TRIM37: variants seen among roughly 807,000 people sequenced by gnomAD.
The protein encoded by TRIM37 is E3 ubiquitin-protein ligase TRIM37.
Under a neutral mutation model 129.8 loss-of-function variants are expected in TRIM37, and 80 were observed. That is an observed-to-expected ratio of 0.62 (90% CI 0.51 to 0.74). The LOEUF (loss-of-function observed/expected upper bound fraction) is 0.74. TRIM37 is among the 30% of genes least tolerant of loss of function. The pLI, the probability that TRIM37 is intolerant of heterozygous loss-of-function variation, is 0.00. For synonymous variants in TRIM37, 389 were observed against 387.1 expected (o/e 1.00, Z -0.06); for missense variants, 1,054 against 1,176.5 (o/e 0.90, Z 1.52).
At chr17:58,996,071 T>G (rs1264540486), downstream of TRIM37, among the ~76,000 whole-genome samples, 1 of 152,102 alleles carries the variant, frequency 6.6e-6, no homozygotes, top group Non-Finnish European at 1.5e-5. Flanking sequence ...CTGCCCCAAA[T>G]ATTTAGTAAT....
chr17:59,005,338 C>T (rs1195774259), intron 22 of TRIM37, among the ~76,000 whole-genome samples: 2 of 151,994 alleles, frequency 1.3e-5, no homozygotes, highest in Non-Finnish European at 2.9e-5. Flanking sequence ...GGTTGGCGTG[C>T]CACTGCGTGA....
At chr17:58,990,790 C>CA (rs562537494) in intron 24 of TRIM37, among the ~76,000 whole-genome samples, 2,849 of 74,636 alleles carry the variant, frequency 0.038, 61 homozygotes, top group Middle Eastern at 0.081. Flanking sequence ...AACTCTGTCT[C>CA]AAAAAAAAAA....
intron 17 of TRIM37, among the ~76,000 whole-genome samples, chr17:59,034,388 T>G (rs978277348): frequency 6.6e-6 from 1 of 151,996 alleles, no homozygotes; most frequent in African/African-American, 2.4e-5. Context: ...CTTTGGCTAC[T>G]CCCCTTTCAA....
chr17:59,027,469 C>G (rs1244587329), intron 19 of TRIM37, among the ~76,000 whole-genome samples: 2 of 152,132 alleles, frequency 1.3e-5, no homozygotes, highest in Non-Finnish European at 2.9e-5. Flanking sequence ...AATAGAATAG[C>G]ACATCCTTAA....
intron 17 of TRIM37, among the ~76,000 whole-genome samples, chr17:59,034,655 C>T (rs1403000306): frequency 2.0e-5 from 3 of 151,996 alleles, no homozygotes; most frequent in Non-Finnish European, 2.9e-5. Context: ...CCATGGTGCC[C>T]GGCCTATGTT....
chr17:59,021,545 C>G (rs1223434393), intron 19 of TRIM37, among the ~76,000 whole-genome samples: 1 of 152,140 alleles, frequency 6.6e-6, no homozygotes, highest in East Asian at 1.9e-4. Flanking sequence ...ACAAACTTCA[C>G]ACATTCTCAC....
chr17:59,102,700 C>G (rs2147648489), intron 2 of TRIM37, among the ~76,000 whole-genome samples: 1 of 152,262 alleles, frequency 6.6e-6, no homozygotes, highest in East Asian at 1.9e-4. Context: ...TTAACTGGGT[C>G]TTCTGCGCAT....
At chr17:59,052,694 C>T (rs1429639940) in intron 13 of TRIM37, among the ~76,000 whole-genome samples, 1 of 152,100 alleles carries the variant, frequency 6.6e-6, no homozygotes, top group Non-Finnish European at 1.5e-5. Flanking sequence ...GTGGCTCACA[C>T]CTGTAATCTT....
At chr17:58,972,082 T>C in the TRIM37 span, 1 of 1,547,102 alleles carries the variant, frequency 6.5e-7, no homozygotes, top group Non-Finnish European at 8.8e-7. Flanking sequence ...AATAAGAATG[T>C]AGTATCTATT....
At chr17:59,094,736 A>ACC (rs1441016108) in intron 2 of TRIM37, among the ~76,000 whole-genome samples, 38 of 152,316 alleles carry the variant, frequency 2.5e-4, no homozygotes, top group African/African-American at 8.7e-4. Flanking sequence ...TGGAAAAGAA[A>ACC]CAGATTTGGC....
rs1353846567 is a variant in TRIM37, at chr17:59,012,253, ACCAC to A, written c.2695+71_2695+74del. On this transcript the variant is annotated intron_variant, in intron 22 of 23. Coordinates refer to ENST00000262294, the MANE Select transcript of TRIM37 (RefSeq NM_015294.6). ...CACCACCACCACCACCACCACCACC[ACCAC>A]CCACCACCCACCACCAAAAAAGGGA... is the stretch of plus-strand genomic sequence containing the variant. The A allele has an allele frequency of 1.1e-5, 9 of 845,538 alleles. No individual in the cohort carries two copies. The African/African-American group carries it at 1.2e-4, about 11-fold the overall frequency. 52.4% of individuals were successfully genotyped at this position (845,538 alleles called of 1,614,324 possible). A position where few individuals can be genotyped will look rare whatever the true frequency, so the allele number is the denominator to read the frequency against.
intron 4 of TRIM37, among the ~76,000 whole-genome samples, chr17:59,085,929 T>C (rs918428501): frequency 2.0e-5 from 3 of 152,072 alleles, no homozygotes; most frequent in Non-Finnish European, 2.9e-5. Flanking sequence ...AATAAACCAG[T>C]TACAAAAAGA....
At chr17:58,999,853 T>G (rs1316235643) in intron 23 of TRIM37, among the ~76,000 whole-genome samples, 1 of 152,202 alleles carries the variant, frequency 6.6e-6, no homozygotes, top group African/African-American at 2.4e-5. Flanking sequence ...CAAGTATCAC[T>G]ACAAAAACCC....
chr17:59,096,079 T>C (rs2044827518), intron 2 of TRIM37, among the ~76,000 whole-genome samples: 1 of 152,188 alleles, frequency 6.6e-6, no homozygotes, highest in Non-Finnish European at 1.5e-5. Context: ...CCACTTCTTA[T>C]GGTATGTCTA....
At chr17:59,080,995 G>GA in intron 6 of TRIM37, 102 bp downstream of exon 6, 1 of 746,688 alleles carries the variant, frequency 1.3e-6, no homozygotes, top group South Asian at 4.7e-5. Context: ...TGCAAATCTT[G>GA]AAAACCTTGA....
intron 16 of TRIM37, among the ~76,000 whole-genome samples, chr17:59,045,771 T>C (rs1599130232): frequency 6.6e-6 from 1 of 151,716 alleles, no homozygotes; most frequent in African/African-American, 2.4e-5. Flanking sequence ...TCCTAGCACT[T>C]TGGGAGGCTG....
chr17:59,025,414 CATGA>C (rs1555649386), intron 19 of TRIM37, among the ~76,000 whole-genome samples: 1 of 150,746 alleles, frequency 6.6e-6, no homozygotes, highest in Non-Finnish European at 1.5e-5. Context: ...ATATTCATGT[CATGA>C]ATGTTAATTA....
intron 21 of TRIM37, 67 bp downstream of exon 21, chr17:59,015,543 A>G: frequency 6.9e-7 from 1 of 1,457,852 alleles, no homozygotes; most frequent in Admixed American, 1.7e-5. Flanking sequence ...ATCATGATGC[A>G]TACTTAAAGT....
chr17:59,101,877 C>T (rs11868348), intron 2 of TRIM37, among the ~76,000 whole-genome samples: 97,464 of 149,346 alleles, frequency 0.65, 32,414 homozygotes, highest in African/African-American at 0.77. Context: ...AGGCGGAGGT[C>T]GTAGTGACCC....
Sources: gnomAD v4.1 joint callset for allele counts (sites outside exome capture counted in the v4.1 genomes callset) on GRCh38, gnomAD v4.1.1 for gene constraint, MANE v1.5 for transcripts, NCBI Gene and HGNC (gene_info 2026-07-23, HGNC 2026-07-21) for gene names.